The following B3GALT1 variants were observed in gnomAD, a reference collection of about 807,000 sequenced individuals.
B3GALT1 encodes the protein beta-1,3-galactosyltransferase 1, also known as UDP-Gal:betaGlcNAc beta 1,3-galactosyltransferase, polypeptide 1.
A neutral mutation model predicts 23.2 loss-of-function variants in B3GALT1; 10 were observed. The observed-to-expected ratio is 0.43, with a 90% CI of 0.27 to 0.73. The LOEUF (loss-of-function observed/expected upper bound fraction) is 0.73, where lower values mean the gene tolerates loss of function less well. Among genes scored for constraint, B3GALT1 ranks in the 30% least tolerant of loss-of-function variants. The pLI, the probability that B3GALT1 is intolerant of heterozygous loss-of-function variation, is 0.21. For synonymous variants in B3GALT1, 156 were observed against 141.5 expected, an observed-to-expected ratio of 1.10 and a Z score of -0.73; for missense variants, 299 against 405.4, an observed-to-expected ratio of 0.74 and a Z score of 2.25.
intron 3 of B3GALT1, among the ~76,000 whole-genome samples, chr2:167,770,345 T>C (rs1021711966): frequency 1.4e-4 from 21 of 152,218 alleles, no homozygotes; most frequent in African/African-American, 4.6e-4. Flanking sequence ...AATTTGCAGT[T>C]CCTTAAAGAC....
chr2:167,471,137 C>G (rs1171041333), intron 1 of B3GALT1, among the ~76,000 whole-genome samples: 2 of 152,084 alleles, frequency 1.3e-5, no homozygotes, highest in Admixed American at 1.3e-4. Flanking sequence ...ATAAGGAGAC[C>G]TTTTCTTCTT....
chr2:167,653,298 A>AT (rs1174395807), intron 3 of B3GALT1, among the ~76,000 whole-genome samples: 1 of 152,198 alleles, frequency 6.6e-6, no homozygotes, highest in African/African-American at 2.4e-5. Flanking sequence ...CAATGTGGAC[A>AT]TTAACCACAG....
chr2:167,638,156 C>A (rs1408618464), intron 2 of B3GALT1, among the ~76,000 whole-genome samples: 1 of 151,904 alleles, frequency 6.6e-6, no homozygotes. Flanking sequence ...AATAGAGCAA[C>A]CCAATGAATT....
At chr2:167,493,891 A>C (rs563607553) in intron 2 of B3GALT1, among the ~76,000 whole-genome samples, 17 of 152,272 alleles carry the variant, frequency 1.1e-4, no homozygotes, top group Non-Finnish European at 1.0e-4. Flanking sequence ...CTCCACTTTT[A>C]TCAAGCTCCT....
chr2:167,464,579 A>G (rs954134293), intron 1 of B3GALT1, among the ~76,000 whole-genome samples: 5 of 152,214 alleles, frequency 3.3e-5, no homozygotes, highest in African/African-American at 9.6e-5. Context: ...AGGCAACACA[A>G]GATAGTGGTT....
intron 3 of B3GALT1, among the ~76,000 whole-genome samples, chr2:167,789,648 A>G (rs1688400808): frequency 6.6e-6 from 1 of 152,172 alleles, no homozygotes; most frequent in African/African-American, 2.4e-5. Context: ...CCAAATGCCA[A>G]TGCCAATACC....
At chr2:167,398,124 G>A (rs1446677960) in intron 1 of B3GALT1, among the ~76,000 whole-genome samples, 1 of 152,036 alleles carries the variant, frequency 6.6e-6, no homozygotes, top group East Asian at 1.9e-4. Flanking sequence ...ATATATAAAT[G>A]CTTTATTCTT....
At chr2:167,651,060 A>G (rs926276088) in intron 3 of B3GALT1, among the ~76,000 whole-genome samples, 4 of 151,982 alleles carry the variant, frequency 2.6e-5, no homozygotes, top group Non-Finnish European at 5.9e-5. Context: ...GTTTTTTTCT[A>G]TAAAGATAAA....
chr2:167,657,363 T>C (rs941447094), intron 3 of B3GALT1, among the ~76,000 whole-genome samples: 2 of 151,876 alleles, frequency 1.3e-5, no homozygotes, highest in Non-Finnish European at 2.9e-5. Flanking sequence ...AAAGAAACCT[T>C]AAGGGTCACT....
intron 2 of B3GALT1, among the ~76,000 whole-genome samples, chr2:167,550,306 G>C (rs1683723196): frequency 6.6e-6 from 1 of 152,168 alleles, no homozygotes. Context: ...GGAAGTGGTG[G>C]AGTTTAAAGG....
At chr2:167,768,247 A>G (rs527891714) in intron 3 of B3GALT1, among the ~76,000 whole-genome samples, 1 of 152,362 alleles carries the variant, frequency 6.6e-6, no homozygotes, top group East Asian at 1.9e-4. Context: ...TACAAAAGGT[A>G]TTTATAAAAT....
At chr2:167,422,278 TA>T (rs1489732930) in intron 1 of B3GALT1, among the ~76,000 whole-genome samples, 1 of 150,140 alleles carries the variant, frequency 6.7e-6, no homozygotes, top group Admixed American at 6.7e-5. Context: ...TATATGAAGA[TA>T]TAAGAGCACA....
At chr2:167,735,609 C>CAGATAT (rs1286322914) in intron 3 of B3GALT1, among the ~76,000 whole-genome samples, 1 of 152,010 alleles carries the variant, frequency 6.6e-6, no homozygotes, top group Admixed American at 6.6e-5. Context: ...TATATTCCTA[C>CAGATAT]AGATATAGAT....
At chr2:167,447,530 G>T (rs934069678) in intron 1 of B3GALT1, among the ~76,000 whole-genome samples, 1 of 152,192 alleles carries the variant, frequency 6.6e-6, no homozygotes, top group Non-Finnish European at 1.5e-5. Context: ...CTTCCTGGCT[G>T]CTTTGTTTAC....
intron 2 of B3GALT1, among the ~76,000 whole-genome samples, chr2:167,556,757 G>C (rs1683860300): frequency 6.6e-6 from 1 of 152,184 alleles, no homozygotes; most frequent in Admixed American, 6.5e-5. Flanking sequence ...CAACTTCATA[G>C]AGGAATGAAC....
chr2:167,699,541 CAAGT>C lies in B3GALT1; in HGVS notation c.-352+52577_-352+52580del, dbSNP rs566870256. Reference sequence around the variant, plus strand: ...AGTAAATTTCTCACATGTAATATTACAAGTATGTATTTAGTCTCCTACAATTTTT... The same window carrying C: ...AGTAAATTTCTCACATGTAATATTACATGTATTTAGTCTCCTACAATTTTT... On this transcript the variant is annotated intron_variant, in intron 3 of 4. Transcript: ENST00000392690. Among the ~76,000 whole-genome samples the C allele has an allele frequency of 9.3e-3, 1,415 of 151,680 alleles. 8 individuals carry two copies. Among genetic ancestry groups the C allele is most frequent in the Non-Finnish European group, 0.015 (1,052 of 67,954 alleles).
intron 1 of B3GALT1, among the ~76,000 whole-genome samples, chr2:167,449,682 G>A (rs1699056549): frequency 6.6e-6 from 1 of 152,094 alleles, no homozygotes; most frequent in African/African-American, 2.4e-5. Flanking sequence ...GTTCTCAAGG[G>A]GAATGCTTTC....
At chr2:167,747,018 C>A (rs1687663138) in intron 3 of B3GALT1, among the ~76,000 whole-genome samples, 1 of 152,094 alleles carries the variant, frequency 6.6e-6, no homozygotes, top group Non-Finnish European at 1.5e-5. Flanking sequence ...TTCTTTCTTC[C>A]CCTTCCCCAT....
chr2:167,718,568 A>G (rs2105252592), intron 3 of B3GALT1, among the ~76,000 whole-genome samples: 1 of 152,358 alleles, frequency 6.6e-6, no homozygotes, highest in Admixed American at 6.5e-5. Flanking sequence ...ACAAGATACA[A>G]GTCTATTTAA....
Sources: allele counts gnomAD v4.1 joint callset (sites outside exome capture counted in the v4.1 genomes callset), GRCh38; gene constraint gnomAD v4.1.1; transcripts MANE v1.5; gene names NCBI Gene and HGNC (gene_info 2026-07-23, HGNC 2026-07-21).